The following NKAIN3 variants were observed in gnomAD, a reference collection of about 807,000 sequenced individuals.
The protein encoded by NKAIN3 is sodium/potassium-transporting ATPase subunit beta-1-interacting protein 3.
A neutral mutation model predicts 30.2 loss-of-function variants in NKAIN3; 25 were observed. That is an observed-to-expected ratio of 0.83 (90% confidence interval 0.60 to 1.16). The LOEUF (loss-of-function observed/expected upper bound fraction) is 1.16. Ranked by LOEUF, NKAIN3 falls within the 50% of genes most tolerant of loss-of-function variation. The pLI is 0.00. For synonymous variants in NKAIN3, 91 were observed against 89.6 expected, an observed-to-expected ratio of 1.02 and a Z score of -0.09; for missense variants, 225 against 254.1, an observed-to-expected ratio of 0.89 and a Z score of 0.78.
At chr8:62,524,812 G>A (rs1328041950) in intron 1 of NKAIN3, among the ~76,000 whole-genome samples, 9 of 152,122 alleles carry the variant, frequency 5.9e-5, no homozygotes, top group Admixed American at 2.6e-4. Flanking sequence ...ACTCACTACC[G>A]AGTACATCTT....
At chr8:62,480,306 T>C (rs1479402512) in intron 1 of NKAIN3, among the ~76,000 whole-genome samples, 2 of 152,182 alleles carry the variant, frequency 1.3e-5, no homozygotes, top group Non-Finnish European at 2.9e-5. Flanking sequence ...TGTGAGGCTA[T>C]GTTAATTAGT....
intron 1 of NKAIN3, among the ~76,000 whole-genome samples, chr8:62,376,922 C>T (rs1428754972): frequency 1.3e-5 from 2 of 152,070 alleles, no homozygotes; most frequent in African/African-American, 4.8e-5. Context: ...TACTTTTATA[C>T]TGACTTTATA....
chr8:62,700,524 C>G (rs1271852774), intron 3 of NKAIN3, among the ~76,000 whole-genome samples: 1 of 152,190 alleles, frequency 6.6e-6, no homozygotes, highest in African/African-American at 2.4e-5. Context: ...GAAATATAAT[C>G]TCTTTTTCCA....
downstream of NKAIN3, among the ~76,000 whole-genome samples, chr8:62,989,138 C>T (rs1381730142): frequency 6.6e-6 from 1 of 152,230 alleles, no homozygotes; most frequent in Non-Finnish European, 1.5e-5. Flanking sequence ...CAACAAATTT[C>T]TAGGAAGTTC....
intron 1 of NKAIN3, among the ~76,000 whole-genome samples, chr8:62,253,636 A>AT (rs1254055870): frequency 5.9e-5 from 9 of 152,120 alleles, no homozygotes; most frequent in East Asian, 3.9e-4. Context: ...GAAAATCAGC[A>AT]TTTTTTCTCA....
intron 1 of NKAIN3, among the ~76,000 whole-genome samples, chr8:62,465,976 C>G (rs766046467): frequency 1.3e-5 from 2 of 151,914 alleles, no homozygotes; most frequent in East Asian, 1.9e-4. Flanking sequence ...GAGCCAAGAT[C>G]GCGCACCACT....
chr8:62,845,019 T>G (rs1195147955), intron 4 of NKAIN3, among the ~76,000 whole-genome samples: 1 of 151,906 alleles, frequency 6.6e-6, no homozygotes, highest in Non-Finnish European at 1.5e-5. Flanking sequence ...ATGCCCGTTT[T>G]TCCTACCAAG....
chr8:62,651,223 T>C (rs1172689880), intron 3 of NKAIN3, among the ~76,000 whole-genome samples: 1 of 152,212 alleles, frequency 6.6e-6, no homozygotes, highest in African/African-American at 2.4e-5. Context: ...ATTTTCATTT[T>C]ATTCAACTTA....
intron 1 of NKAIN3, among the ~76,000 whole-genome samples, chr8:62,529,264 A>G (rs1350453503): frequency 6.6e-6 from 1 of 152,170 alleles, no homozygotes; most frequent in Non-Finnish European, 1.5e-5. Context: ...GCAAAAAGTT[A>G]CTCTAACCCC....
intron 4 of NKAIN3, among the ~76,000 whole-genome samples, chr8:62,819,656 C>T (rs1818792796): frequency 6.6e-6 from 1 of 151,864 alleles, no homozygotes; most frequent in Non-Finnish European, 1.5e-5. Flanking sequence ...TTTGTGTTTC[C>T]TCTGTGCATT....
intron 3 of NKAIN3, among the ~76,000 whole-genome samples, chr8:62,646,924 A>C (rs1306840513): frequency 6.6e-6 from 1 of 152,174 alleles, no homozygotes; most frequent in Non-Finnish European, 1.5e-5. Flanking sequence ...AATGAGTAAA[A>C]AGATGACTTG....
At chr8:62,910,398 T>A (rs564581033) in intron 4 of NKAIN3, among the ~76,000 whole-genome samples, 7 of 152,154 alleles carry the variant, frequency 4.6e-5, no homozygotes, top group African/African-American at 1.7e-4. Context: ...CTCCCAAACC[T>A]CTCTTTGAAT....
At chr8:62,263,691 G>C (rs1334350543) in intron 1 of NKAIN3, among the ~76,000 whole-genome samples, 1 of 152,088 alleles carries the variant, frequency 6.6e-6, no homozygotes, top group Non-Finnish European at 1.5e-5. Context: ...AGGTGGCCCA[G>C]ATTGAAATAG....
chr8:62,926,608 G>A (rs1307711901), intron 5 of NKAIN3, among the ~76,000 whole-genome samples: 1 of 152,196 alleles, frequency 6.6e-6, no homozygotes, highest in Non-Finnish European at 1.5e-5. Context: ...AGAACTTAGA[G>A]TTTCTATCCT....
intron 1 of NKAIN3, among the ~76,000 whole-genome samples, chr8:62,263,081 C>T (rs1419978231): frequency 6.6e-6 from 1 of 152,000 alleles, no homozygotes; most frequent in East Asian, 1.9e-4. Flanking sequence ...GATTTTTGTC[C>T]CACTATATTT....
chr8:62,863,017 G>A (rs1382375195), intron 4 of NKAIN3: 6 of 625,354 alleles, frequency 9.6e-6, no homozygotes, highest in African/African-American at 7.3e-5. Flanking sequence ...GTAACCACAC[G>A]TGTACATGCA....
chr8:62,503,424 T>C (rs1484196077), intron 1 of NKAIN3, among the ~76,000 whole-genome samples: 3 of 152,184 alleles, frequency 2.0e-5, no homozygotes, highest in Non-Finnish European at 4.4e-5. Context: ...TAAGGGTCTA[T>C]GTTCAGCGGT....
chr8:62,322,339 A>G (rs1463457821), intron 1 of NKAIN3, among the ~76,000 whole-genome samples: 1 of 151,934 alleles, frequency 6.6e-6, no homozygotes, highest in Non-Finnish European at 1.5e-5. Flanking sequence ...ACTGTCCTGC[A>G]CCCACTTTCC....
At chr8:62,845,288 TATA>T (rs1563589794) in intron 4 of NKAIN3, among the ~76,000 whole-genome samples, 3 of 121,368 alleles carry the variant, frequency 2.5e-5, no homozygotes, top group African/African-American at 3.6e-5. Flanking sequence ...TAGTAGATTA[TATA>T]TATATATATA....
Sources: allele counts gnomAD v4.1 joint callset (sites outside exome capture counted in the v4.1 genomes callset), GRCh38; gene constraint gnomAD v4.1.1; transcripts MANE v1.5; gene names NCBI Gene and HGNC (gene_info 2026-07-23, HGNC 2026-07-21).